SYNE1: variants seen among roughly 807,000 people sequenced by gnomAD.
The protein encoded by SYNE1 is spectrin repeat containing nuclear envelope protein 1, also known as nesprin-1.
Under a neutral mutation model 1,111.0 loss-of-function variants are expected in SYNE1, and 616 were observed. The observed-to-expected ratio is 0.55, with a 90% CI of 0.52 to 0.59. The LOEUF (loss-of-function observed/expected upper bound fraction) is 0.59, where lower values mean the gene tolerates loss of function less well. SYNE1 is among the 20% of genes least tolerant of loss of function. The pLI is 0.00. For synonymous variants in SYNE1, 3,855 were observed against 3,825.8 expected (o/e 1.01, Z -0.28); for missense variants, 10,006 against 10,417.0 (o/e 0.96, Z 1.72).
At chr6:152,470,805 C>G (rs1281463986) in intron 16 of SYNE1, among the ~76,000 whole-genome samples, 1 of 152,042 alleles carries the variant, frequency 6.6e-6, no homozygotes, top group African/African-American at 2.4e-5. Context: ...TGAAACAGTA[C>G]AAGACTAAGA....
Position 152,309,896 on chromosome 6 carries a change from C to T in SYNE1, c.17141G>A (p.Arg5714Gln), listed in dbSNP as rs367925174. The T allele has an allele frequency of 3.7e-5, 59 of 1,613,954 alleles. No homozygotes were observed. Among genetic ancestry groups the T allele is most frequent in the South Asian group, 2.4e-4 (22 of 91,082 alleles). The part of the protein sequence containing the change: ...ASLPLCHAAL[R>Q]LQEEASRLQH... ...CAGCCGGCTGGCCTCTTCCTGCAGC[C>T]GCAGAGCAGCATGACAGAGAGGTAA... Residue 5714 changes from arginine to glutamine, a missense_variant, in exon 90 of 146, where the codon CGG (arginine) becomes CAG (glutamine). By Grantham distance (43) the Arg-to-Gln change is conservative. Around this residue, in one of 7 missense-constraint regions of SYNE1, gnomAD observed 4,955 missense variants for 5,017.2 expected, o/e 0.99. Coordinates refer to ENST00000367255, the MANE Select transcript of SYNE1 (RefSeq NM_182961.4).
chr6:152,324,871 T>C (rs1227005526), intron 81 of SYNE1, among the ~76,000 whole-genome samples: 4 of 152,252 alleles, frequency 2.6e-5, no homozygotes, highest in Non-Finnish European at 5.9e-5. Flanking sequence ...TTGGTTTTTC[T>C]CATTGAAATA....
At chr6:152,145,640 A>C (rs943606793) in intron 137 of SYNE1, 7 of 1,268,806 alleles carry the variant, frequency 5.5e-6, no homozygotes, top group African/African-American at 1.5e-5. Context: ...TCCTAGGGGA[A>C]AAAAAGGAAG....
chr6:152,172,587 T>C (rs1167070198), intron 130 of SYNE1, among the ~76,000 whole-genome samples: 1 of 152,190 alleles, frequency 6.6e-6, no homozygotes, highest in Admixed American at 6.5e-5. Flanking sequence ...ATAAGAAACA[T>C]TGAAGAATTA....
chr6:152,329,378 T>A (rs901363439), intron 78 of SYNE1, among the ~76,000 whole-genome samples: 5 of 152,158 alleles, frequency 3.3e-5, no homozygotes, highest in Admixed American at 6.5e-5. Flanking sequence ...AATACAAAAA[T>A]TAGCTGGATG....
chr6:152,167,688 A>G (rs1383323365), intron 130 of SYNE1: 1 of 483,522 alleles, frequency 2.1e-6, no homozygotes, highest in Non-Finnish European at 4.2e-6. Context: ...TCATGAAAGG[A>G]AAGCTTTCAA....
At chr6:152,351,947 A>G in intron 70 of SYNE1, 80 bp downstream of exon 70, 1 of 1,339,012 alleles carries the variant, frequency 7.5e-7, no homozygotes. Flanking sequence ...GTTACGGGTG[A>G]CACCCAGCAA....
intron 3 of SYNE1, among the ~76,000 whole-genome samples, chr6:152,568,289 CTTTTTTTT>C (rs10601350): frequency 2.5e-5 from 2 of 80,310 alleles, no homozygotes; most frequent in Non-Finnish European, 4.4e-5. Flanking sequence ...TTATTTTATT[CTTTTTTTT>C]TTTTTTTTTT....
intron 137 of SYNE1, chr6:152,145,387 C>T (rs1253703399): frequency 2.6e-6 from 3 of 1,165,906 alleles, no homozygotes; most frequent in Non-Finnish European, 3.8e-6. Flanking sequence ...CCTTAACATG[C>T]TAGAGCCACA....
chr6:152,623,370 A>T (rs2099679610), intron 3 of SYNE1, among the ~76,000 whole-genome samples: 1 of 152,146 alleles, frequency 6.6e-6, no homozygotes, highest in African/African-American at 2.4e-5. Context: ...ACAAAAATTA[A>T]CTCAAGATAT....
chr6:152,198,355 G>A (rs549702456), intron 127 of SYNE1, among the ~76,000 whole-genome samples: 33 of 152,206 alleles, frequency 2.2e-4, no homozygotes, highest in Non-Finnish European at 4.9e-4. Flanking sequence ...GAATGTTGTG[G>A]CTGGTTGGAT....
rs752849710 is a variant in SYNE1, at chr6:152,387,019, A to G, written c.8487+53T>C. 991 of 1,409,904 alleles carry G rather than the reference A, an allele frequency of 7.0e-4. 1 individual carries two copies. The highest frequency in any genetic ancestry group is 1.3e-3 in the Admixed American group (66 of 50,250). 87.3% of individuals were successfully genotyped at this position (1,409,904 alleles called of 1,614,324 possible). On this transcript the variant is annotated intron_variant, in intron 54 of 145. Transcript: ENST00000367255. Reference sequence around the variant, plus strand: ...GTCATTATATTATTAATATAAATCAATATATTGTATTAATGTATTATAAAG... The same window carrying G: ...GTCATTATATTATTAATATAAATCAGTATATTGTATTAATGTATTATAAAG...
At chr6:152,494,458 T>C (rs544385771) in intron 11 of SYNE1, among the ~76,000 whole-genome samples, 152 of 152,296 alleles carry the variant, frequency 1.0e-3, no homozygotes, top group African/African-American at 3.5e-3. Flanking sequence ...CTTGGTTTAT[T>C]GATGGCAGTT....
At chr6:152,409,412 C>A in intron 43 of SYNE1, 147 bp downstream of exon 43, 6 of 1,190,326 alleles carry the variant, frequency 5.0e-6, no homozygotes, top group Non-Finnish European at 7.1e-6. Context: ...AGAATGTCAG[C>A]ATTCCTAGGG....
At chr6:152,285,449 C>T (rs1320554036) in intron 95 of SYNE1, among the ~76,000 whole-genome samples, 2 of 152,186 alleles carry the variant, frequency 1.3e-5, no homozygotes, top group Admixed American at 1.3e-4. Flanking sequence ...GGTCCTCTCA[C>T]TCCCCTGCTT....
At chr6:152,232,890 T>A (rs1350082623) in intron 112 of SYNE1, among the ~76,000 whole-genome samples, 1 of 152,354 alleles carries the variant, frequency 6.6e-6, no homozygotes, top group Non-Finnish European at 1.5e-5. Context: ...TGTGTGGTGC[T>A]GAAAGATATA....
Position 152,155,017 on chromosome 6 carries a change from G to C in SYNE1, c.24004C>G (p.Gln8002Glu), listed in dbSNP as rs1361081346. Residue 8002 changes from glutamine to glutamate, a missense_variant, in exon 133 of 146, where the codon CAG (glutamine) becomes GAG (glutamate). Transcript: ENST00000367255. ...CGTGAATAGTCATCCAGAAATTTCT[G>C]CCACAATCGCCACGTCTCTTCGATT... Reference protein sequence around the residue: ...LKIEETWRLWQKFLDDYSRFE... With the variant: ...LKIEETWRLWEKFLDDYSRFE... 1.2e-6 allele frequency: 2 copies of C among 1,613,954 alleles called. No homozygotes were observed. Among genetic ancestry groups the C allele is most frequent in the African/African-American group, 1.3e-5 (1 of 74,894 alleles).
Position 152,353,693 on chromosome 6 carries a change from C to T in SYNE1, c.10978G>A (p.Ala3660Thr). 1 of 1,614,202 alleles carries T rather than the reference C, an allele frequency of 6.2e-7. No homozygotes were observed. Among genetic ancestry groups the T allele is most frequent in the African/African-American group, 1.3e-5 (1 of 75,040 alleles). Reference sequence around the variant, plus strand: ...TCGTCCAGTATCTCCTGAGCTCTAGCTCCCACTTCCTCAACTTCATCTCTG... The same window carrying T: ...TCGTCCAGTATCTCCTGAGCTCTAGTTCCCACTTCCTCAACTTCATCTCTG... ...AYRDEVEEVG[A>T]RAQEILDESH... Residue 3660 changes from alanine (A) to threonine (T), a missense_variant, in exon 68 of 146, where the codon GCT (alanine) becomes ACT (threonine). Physicochemically the swap from Ala to Thr is moderately conservative, Grantham distance 58. Transcript: ENST00000367255.
At chr6:152,576,815 CGATTA>C (rs2099498336) in intron 3 of SYNE1, among the ~76,000 whole-genome samples, 2 of 151,960 alleles carry the variant, frequency 1.3e-5, no homozygotes, top group African/African-American at 4.8e-5. Flanking sequence ...ACATTTAGTC[CGATTA>C]GATTAAAGAA....
Sources: allele counts gnomAD v4.1 joint callset (sites outside exome capture counted in the v4.1 genomes callset), GRCh38; gene constraint gnomAD v4.1.1; regional missense constraint gnomAD v4.1.1; transcripts MANE v1.5; gene names NCBI Gene and HGNC (gene_info 2026-07-23, HGNC 2026-07-21).